HTT: variants seen among roughly 807,000 people sequenced by gnomAD.
HTT encodes huntingtin.
A neutral mutation model predicts 362.3 loss-of-function variants in HTT; 104 were observed. The ratio of observed to expected loss-of-function variants is 0.29; its 90% CI spans 0.24 to 0.34. The LOEUF is 0.34. HTT is among the 10% of genes least tolerant of loss of function. The pLI is 1.00. For synonymous variants in HTT, 1,577 were observed against 1,548.7 expected (o/e 1.02, Z -0.43); for missense variants, 3,301 against 3,928.6 (o/e 0.84, Z 4.27).
At chr4:3,109,884 G>C (rs894486736) in intron 6 of HTT, among the ~76,000 whole-genome samples, 3 of 151,984 alleles carry the variant, frequency 2.0e-5, no homozygotes, top group African/African-American at 7.3e-5. Context: ...TGCTGGGGAC[G>C]GGGGGGCCAC....
At chr4:3,125,726 G>A (rs541794556) in intron 11 of HTT, 97 bp downstream of exon 11, 7 of 862,980 alleles carry the variant, frequency 8.1e-6, no homozygotes, top group Admixed American at 5.5e-5. Context: ...TGGACAGCAC[G>A]ACTGGGGGCA....
Position 3,212,060 on chromosome 4 carries a change from G to A in HTT, c.6546G>A (p.Gln2182=). ...CCCGTGTGAGCGGCACCGTGCAGCAGCTCCCTGCTGTCCATCATGTCTTCC... is the reference window on the plus strand; with the variant it reads ...CCCGTGTGAGCGGCACCGTGCAGCAACTCCCTGCTGTCCATCATGTCTTCC... ...TLARVSGTVQ[Q]LPAVHHVFQP... is the part of the protein sequence containing the mutation. Residue 2182 remains glutamine (Q), a synonymous_variant, in exon 48 of 67, where the codon CAG becomes CAA. Transcript: ENST00000355072. 6.2e-7 allele frequency: 1 copy of A among 1,614,228 alleles called. No individual in the cohort carries two copies. The highest frequency in any genetic ancestry group is 8.5e-7 in the Non-Finnish European group (1 of 1,180,042).
chr4:3,184,732 C>T (rs938453044), intron 37 of HTT, among the ~76,000 whole-genome samples: 13 of 152,034 alleles, frequency 8.6e-5, no homozygotes, highest in African/African-American at 3.1e-4. Flanking sequence ...AGGCCAGCAT[C>T]AGGTGTATGA....
chr4:3,101,962 G>T (rs1051743851), intron 3 of HTT, among the ~76,000 whole-genome samples: 1 of 152,224 alleles, frequency 6.6e-6, no homozygotes, highest in African/African-American at 2.4e-5. Context: ...GGAAGCTGTG[G>T]AGGCTGAACC....
Position 3,241,888 on chromosome 4 carries a change from C to T in HTT, c.*1829C>T, listed in dbSNP as rs1308762012. ...GGCAGCAGGAGCGGTAGAAAGGGGT[C>T]CGATGTTTGAGGAGGCCCTTAAGGG... On this transcript the variant is annotated 3_prime_UTR_variant, in exon 67 of 67. Coordinates refer to ENST00000355072, the MANE Select transcript of HTT (RefSeq NM_001388492.1). 3 of 152,184 alleles carry T rather than the reference C, an allele frequency of 2.0e-5. No individual in the cohort carries two copies. 9.4% of individuals were successfully genotyped at this position (152,184 alleles called of 1,614,324 possible). A position where few individuals can be genotyped will look rare whatever the true frequency, so the allele number is the denominator to read the frequency against.
intron 8 of HTT, among the ~76,000 whole-genome samples, chr4:3,117,346 T>C (rs1715080492): frequency 6.6e-6 from 1 of 151,142 alleles, no homozygotes; most frequent in Non-Finnish European, 1.5e-5. Context: ...CTTGCCTTGT[T>C]TTTTTTTTAA....
Position 3,134,545 on chromosome 4 carries a change from G to A in HTT, c.2633+5G>A, listed in dbSNP as rs1220898501. ...CCTTGCAGAGATTGACTTCAGGTAA[G>A]TGAGTCACATCCATTAGATTTCATG... On this transcript the variant is annotated splice_donor_5th_base_variant and intron_variant, in intron 19 of 66. Coordinates refer to ENST00000355072, the MANE Select transcript of HTT (RefSeq NM_001388492.1). 6.2e-7 allele frequency: 1 copy of A among 1,610,900 alleles called. No homozygotes were observed.
intron 35 of HTT, among the ~76,000 whole-genome samples, chr4:3,178,817 G>A (rs1046023718): frequency 1.3e-5 from 2 of 152,168 alleles, no homozygotes; most frequent in African/African-American, 4.8e-5. Context: ...CGAACTTGCC[G>A]TGAATTAAAT....
intron 10 of HTT, chr4:3,123,210 CT>C (rs771069181): frequency 2.2e-5 from 7 of 320,688 alleles, no homozygotes; most frequent in Non-Finnish European, 3.4e-5. Context: ...GGTCAGCAGA[CT>C]TTTTTTGTAA....
intron 65 of HTT, 40 bp downstream of exon 65, chr4:3,238,649 T>G: frequency 6.4e-7 from 1 of 1,560,754 alleles, no homozygotes; most frequent in Non-Finnish European, 8.7e-7. Context: ...TGGGAAAGCC[T>G]GGAGGTGGAG....
At chr4:3,207,460 C>A in intron 45 of HTT, 103 bp downstream of exon 45, 1 of 960,148 alleles carries the variant, frequency 1.0e-6, no homozygotes, top group Non-Finnish European at 1.6e-6. Flanking sequence ...ATCGATGTGC[C>A]TTATAGGTGG....
At chr4:3,204,345 C>G (rs865954604) in intron 42 of HTT, among the ~76,000 whole-genome samples, 197 bp downstream of exon 42, 2 of 152,152 alleles carry the variant, frequency 1.3e-5, no homozygotes, top group Non-Finnish European at 2.9e-5. Context: ...CTTCCAGTCA[C>G]TGGATTCTAA....
chr4:3,145,122 G>C lies in HTT; in HGVS notation c.3067-30G>C. On this transcript the variant is annotated intron_variant, in intron 23 of 66. Transcript: ENST00000355072. ...ATTCAATAAACCTTTGTGGTGTTTG[G>C]GTGTGATTTTATTGTTTCTTTCTTC... 2.0e-6 allele frequency: 3 copies of C among 1,497,952 alleles called. No individual in the cohort carries two copies. In the South Asian group the frequency reaches 3.4e-5, roughly 17 times the overall value. 92.8% of individuals were successfully genotyped at this position (1,497,952 alleles called of 1,614,324 possible). A position where few individuals can be genotyped will look rare whatever the true frequency, so the allele number is the denominator to read the frequency against.
Position 3,214,913 on chromosome 4 carries a change from T to C in HTT, c.6953-197T>C, listed in dbSNP as rs76164594. Among the ~76,000 whole-genome samples the C allele has an allele frequency of 2.5e-3, 382 of 152,344 alleles. 1 individual carries two copies. The highest frequency in any genetic ancestry group is 8.7e-3 in the African/African-American group (362 of 41,586). ...TGAATGAAATCTGAAGTTCAAATCT[T>C]CAGACATATACCACTAACCAAGAGA... On this transcript the variant is annotated intron_variant, in intron 50 of 66. Transcript: ENST00000355072.
rs769033683 is a variant in HTT at position 3,146,955 on chromosome 4, G to C, written c.3295+7G>C. On this transcript the variant is annotated splice_region_variant and intron_variant, in intron 25 of 66. Coordinates refer to ENST00000355072, the MANE Select transcript of HTT (RefSeq NM_001388492.1). ...GCCGGAAACTTGCTTGCAGGTACTG[G>C]TACTGAGTTGAAACAGGGACTCCAG... The C allele has an allele frequency of 9.3e-6, 15 of 1,614,076 alleles. No homozygotes were observed. In the South Asian group the frequency reaches 1.5e-4, roughly 17 times the overall value.
chr4:3,186,311 AT>A (rs1039384262), intron 37 of HTT, among the ~76,000 whole-genome samples: 2 of 151,956 alleles, frequency 1.3e-5, no homozygotes, highest in Non-Finnish European at 2.9e-5. Context: ...GTGCTAGTTG[AT>A]TTTTTTTCAC....
intron 37 of HTT, among the ~76,000 whole-genome samples, chr4:3,185,207 G>T (rs749755308): frequency 6.6e-6 from 1 of 152,186 alleles, no homozygotes; most frequent in Non-Finnish European, 1.5e-5. Flanking sequence ...GCCTGTTTAC[G>T]CACTGAGGGC....
intron 30 of HTT, 54 bp from the exon 31 acceptor site, chr4:3,172,854 T>G (rs1718056313): frequency 8.4e-7 from 1 of 1,196,822 alleles, no homozygotes; most frequent in Non-Finnish European, 1.3e-6. Context: ...TGTGGGAGAT[T>G]CTTAAAAGTG....
At chr4:3,199,585 T>A in intron 40 of HTT, 147 bp from the exon 41 acceptor site, 1 of 626,608 alleles carries the variant, frequency 1.6e-6, no homozygotes, top group Non-Finnish European at 2.7e-6. Flanking sequence ...CTTAGAAAAA[T>A]CAGAATTTTC....
Sources: allele counts gnomAD v4.1 joint callset (sites outside exome capture counted in the v4.1 genomes callset), GRCh38; gene constraint gnomAD v4.1.1; transcripts MANE v1.5; gene names NCBI Gene and HGNC (gene_info 2026-07-23, HGNC 2026-07-21).